Variants in MID1 observed in about 807,000 individuals in gnomAD.
MID1 encodes E3 ubiquitin-protein ligase Midline-1.
MID1 carries 7 observed loss-of-function variants against 40.4 expected under a neutral mutation model. The observed-to-expected ratio is 0.17, with a 90% CI of 0.10 to 0.33. The LOEUF (loss-of-function observed/expected upper bound fraction) is 0.33, where lower values mean the gene tolerates loss of function less well. Ranked by LOEUF, MID1 falls within the 10% of genes least tolerant of loss-of-function variation. The pLI is 1.00. For synonymous variants in MID1, 229 were observed against 221.2 expected, an observed-to-expected ratio of 1.04 and a Z score of -0.31; for missense variants, 367 against 558.5, an observed-to-expected ratio of 0.66 and a Z score of 3.46.
At chrX:10,559,778 C>A (rs1022067453) in intron 2 of MID1, among the ~76,000 whole-genome samples, 2 of 111,379 alleles carry the variant, frequency 1.8e-5, no homozygotes, top group Admixed American at 1.9e-4. Context: ...AGACTATAAG[C>A]TCCATGAAGG....
At chrX:10,734,055 A>C (rs996259087) in intron 1 of MID1, among the ~76,000 whole-genome samples, 2 of 112,409 alleles carry the variant, frequency 1.8e-5, no homozygotes, top group African/African-American at 6.5e-5. Flanking sequence ...CCAAATGTCC[A>C]TCAAAAGGTG....
chrX:10,641,537 C>A (rs2147565555), intron 1 of MID1, among the ~76,000 whole-genome samples: 1 of 111,499 alleles, frequency 9.0e-6, no homozygotes, highest in African/African-American at 3.3e-5. Flanking sequence ...AGCCTACCAA[C>A]CAAAAAAGTC....
intron 1 of MID1, among the ~76,000 whole-genome samples, chrX:10,633,335 A>G (rs957940733): frequency 9.0e-6 from 1 of 111,363 alleles, no homozygotes; most frequent in Non-Finnish European, 1.9e-5. Context: ...CCCATAATTT[A>G]TTATCCCTTG....
rs201454444 is a variant in MID1 at position 10,459,747 on chromosome X, G to A, written c.1346C>T (p.Thr449Met). 38 of 1,208,613 alleles carry A rather than the reference G, an allele frequency of 3.1e-5. No homozygotes were observed. The highest frequency in any genetic ancestry group is 2.3e-4 in the South Asian group (13 of 56,828). The change falls in exon 8 of 10, where the codon ACG becomes ATG. Residue 449 changes from threonine to methionine, a missense_variant. Physicochemically the swap from Thr to Met is moderately conservative, Grantham distance 81 (BLOSUM62 -1). Transcript: ENST00000317552. ...GGTGCCGCTCTGCAGACCGTGCACC[G>A]TGTAGTGGTTCTGCTTGATGTTGGG... ...IVPNIKQNHY[T>M]VHGLQSGTKY... is the part of the protein sequence containing the mutation.
intron 1 of MID1, among the ~76,000 whole-genome samples, chrX:10,590,684 C>T (rs1466524580): frequency 8.9e-6 from 1 of 112,385 alleles, no homozygotes; most frequent in African/African-American, 3.2e-5. Flanking sequence ...AAAACATATT[C>T]TCAAGGCAGG....
At chrX:10,715,419 G>A (rs1325931073) in intron 1 of MID1, among the ~76,000 whole-genome samples, 1 of 112,202 alleles carries the variant, frequency 8.9e-6, no homozygotes, top group Admixed American at 9.4e-5. Context: ...GGCTCGGAGG[G>A]TCCTACGCCC....
intron 3 of MID1, among the ~76,000 whole-genome samples, chrX:10,515,477 C>T (rs954580851): frequency 4.5e-5 from 5 of 111,728 alleles, no homozygotes; most frequent in African/African-American, 9.8e-5. Context: ...CAGAGAAAGC[C>T]GTATGAGAGC....
chrX:10,776,183 C>G (rs989674805), intron 1 of MID1, among the ~76,000 whole-genome samples: 3 of 111,770 alleles, frequency 2.7e-5, no homozygotes, highest in Non-Finnish European at 5.6e-5. Context: ...GATAATACCA[C>G]TATTCTGTTT....
intron 1 of MID1, among the ~76,000 whole-genome samples, chrX:10,635,871 A>G (rs1221704473): frequency 8.9e-6 from 1 of 112,128 alleles, no homozygotes; most frequent in Non-Finnish European, 1.9e-5. Context: ...TCATGTCTTC[A>G]CTCGTGAAGA....
intron 1 of MID1, among the ~76,000 whole-genome samples, chrX:10,606,121 G>T (rs944152631): frequency 1.8e-5 from 2 of 110,876 alleles, no homozygotes; most frequent in Admixed American, 9.6e-5. Flanking sequence ...ACTGATACAG[G>T]AATATTTTAT....
chrX:10,715,177 G>T (rs1425740265), intron 1 of MID1, among the ~76,000 whole-genome samples: 1 of 112,094 alleles, frequency 8.9e-6, no homozygotes, highest in African/African-American at 3.2e-5. Flanking sequence ...GCATCTCACT[G>T]GGGATTGTTG....
intron 2 of MID1, among the ~76,000 whole-genome samples, chrX:10,548,191 T>C (rs1170242510): frequency 1.8e-5 from 2 of 111,934 alleles, no homozygotes; most frequent in Non-Finnish European, 3.8e-5. Flanking sequence ...TACTGGATTA[T>C]TTTAATCTAC....
chrX:10,723,194 G>T (rs1162161365), intron 1 of MID1, among the ~76,000 whole-genome samples: 2 of 111,961 alleles, frequency 1.8e-5, no homozygotes, highest in African/African-American at 3.2e-5. Context: ...AAATGTTAGC[G>T]CTATAAACCC....
intron 1 of MID1, among the ~76,000 whole-genome samples, chrX:10,751,557 A>G (rs1358251381): frequency 7.3e-5 from 8 of 109,747 alleles, no homozygotes; most frequent in African/African-American, 2.3e-4. Flanking sequence ...CTTGAGCCCA[A>G]GAGGTTGAGC....
intron 1 of MID1, among the ~76,000 whole-genome samples, chrX:10,646,568 C>T (rs1936264325): frequency 9.0e-6 from 1 of 111,314 alleles, no homozygotes; most frequent in African/African-American, 3.3e-5. Context: ...CATTTCTGCT[C>T]AATACAGAAG....
At chrX:10,533,764 T>C (rs907063780) in intron 2 of MID1, among the ~76,000 whole-genome samples, 3 of 111,863 alleles carry the variant, frequency 2.7e-5, no homozygotes, top group Admixed American at 9.5e-5. Flanking sequence ...GTTTTATTTG[T>C]GTCTTTTGTC....
At chrX:10,555,031 A>G (rs141412906) in intron 2 of MID1, among the ~76,000 whole-genome samples, 2,220 of 111,926 alleles carry the variant, frequency 0.02, 55 homozygotes, top group African/African-American at 0.068. Context: ...TGCTCCCATA[A>G]TATCTTCCTA....
At chrX:10,678,425 T>G (rs1262050912) in intron 1 of MID1, among the ~76,000 whole-genome samples, 2 of 112,145 alleles carry the variant, frequency 1.8e-5, no homozygotes, top group Non-Finnish European at 3.8e-5. Context: ...CTAATATCTT[T>G]CTGACTCTCA....
chrX:10,529,474 A>C lies in MID1; in HGVS notation c.661-6287T>G, dbSNP rs558822981. Among the ~76,000 whole-genome samples the C allele has an allele frequency of 3.5e-3, 393 of 112,463 alleles. 1 individual carries two copies. Among genetic ancestry groups the C allele is most frequent in the Middle Eastern group, 0.014 (3 of 218 alleles). ...TGTACATATTTCTAAAATGTTGTGC[A>C]ATGTCCTAAATCTCAATGAATGCTA... On this transcript the variant is annotated intron_variant, in intron 2 of 9. Coordinates refer to ENST00000317552, the MANE Select transcript of MID1 (RefSeq NM_000381.4).
Sources: allele counts gnomAD v4.1 joint callset (sites outside exome capture counted in the v4.1 genomes callset), GRCh38; gene constraint gnomAD v4.1.1; transcripts MANE v1.5; gene names NCBI Gene and HGNC (gene_info 2026-07-23, HGNC 2026-07-21).